Variants in TMCC3 observed in about 807,000 individuals in gnomAD.
The protein encoded by TMCC3 is transmembrane and coiled-coil domain protein 3.
In TMCC3, 28 loss-of-function variants were observed where a neutral mutation model predicts 40.2. That is an observed-to-expected ratio of 0.70 (90% confidence interval 0.52 to 0.95). The LOEUF (loss-of-function observed/expected upper bound fraction) is 0.95, where lower values mean the gene tolerates loss of function less well. Among genes scored for constraint, TMCC3 ranks in the 40% least tolerant of loss-of-function variants. The pLI is 0.00. For synonymous variants in TMCC3, 255 were observed against 248.5 expected, an observed-to-expected ratio of 1.03 and a Z score of -0.25; for missense variants, 554 against 615.2, an observed-to-expected ratio of 0.90 and a Z score of 1.05.
intron 3 of TMCC3, 117 bp downstream of exon 3, chr12:94,578,277 C>A: frequency 8.2e-7 from 1 of 1,224,124 alleles, no homozygotes; most frequent in Non-Finnish European, 1.1e-6. Context: ...GCAGAGAAAA[C>A]ATTTTGTGCC....
intron 1 of TMCC3, among the ~76,000 whole-genome samples, chr12:94,604,936 G>A (rs1218409912): frequency 6.6e-6 from 1 of 152,106 alleles, no homozygotes; most frequent in Non-Finnish European, 1.5e-5. Flanking sequence ...TCTGCTGAGA[G>A]CCTAGCAAGG....
At chr12:94,623,321 G>GGTCATCAGTCCAAAAGTGC in intron 1 of TMCC3, among the ~76,000 whole-genome samples, 1 of 152,250 alleles carries the variant, frequency 6.6e-6, no homozygotes, top group Admixed American at 6.5e-5. Context: ...CATGAGCTGG[G>GGTCATCAGTCCAAAAGTGC]CACTTTTACG....
intron 1 of TMCC3, chr12:94,616,154 T>C (rs771610339): frequency 2.1e-5 from 20 of 932,660 alleles, no homozygotes; most frequent in Non-Finnish European, 2.4e-5. Flanking sequence ...TCAGTAATAA[T>C]GCACCGTATT....
intron 1 of TMCC3, among the ~76,000 whole-genome samples, chr12:94,593,562 C>A (rs999580033): frequency 2.0e-5 from 3 of 151,564 alleles, no homozygotes; most frequent in Admixed American, 6.6e-5. Flanking sequence ...ATACATATAT[C>A]TTTCATGGCC....
intron 2 of TMCC3, among the ~76,000 whole-genome samples, chr12:94,580,692 A>G (rs1437420381): frequency 2.0e-5 from 3 of 152,182 alleles, no homozygotes; most frequent in Non-Finnish European, 4.4e-5. Flanking sequence ...CCAAGATCGC[A>G]CCACTGCACT....
rs1396429522 is a variant in TMCC3 at position 94,567,244 on chromosome 12, G to A, written c.*4191C>T. The A allele has an allele frequency of 6.6e-6, 1 of 152,156 alleles. No individual in the cohort carries two copies. The highest frequency in any genetic ancestry group is 1.5e-5 in the Non-Finnish European group (1 of 68,030). 9.4% of individuals were successfully genotyped at this position (152,156 alleles called of 1,614,324 possible). On this transcript the variant is annotated 3_prime_UTR_variant, in exon 4 of 4. Coordinates refer to ENST00000261226, the MANE Select transcript of TMCC3 (RefSeq NM_020698.4). The stretch of plus-strand genomic sequence containing the variant: ...CACCACAATGGGGTGAAGATCTACA[G>A]GGAATTTACAATTTTAGGCTGACAT...
chr12:94,591,687 G>A (rs1269900711), intron 1 of TMCC3, among the ~76,000 whole-genome samples: 1 of 152,164 alleles, frequency 6.6e-6, no homozygotes, highest in Admixed American at 6.5e-5. Flanking sequence ...CTGGGAGGTG[G>A]AGGTTGCAGT....
chr12:94,631,524 C>T (rs1265100574), intron 1 of TMCC3, among the ~76,000 whole-genome samples: 1 of 151,922 alleles, frequency 6.6e-6, no homozygotes, highest in Non-Finnish European at 1.5e-5. Flanking sequence ...AGGAGGGAGG[C>T]CTGGAACAGC....
intron 1 of TMCC3, among the ~76,000 whole-genome samples, chr12:94,628,953 G>GA: frequency 6.6e-6 from 1 of 152,088 alleles, no homozygotes; most frequent in Non-Finnish European, 1.5e-5. Flanking sequence ...TCTGTAGTTA[G>GA]AAAAAAGGTG....
At chr12:94,609,397 T>TC (rs146603251) in intron 1 of TMCC3, among the ~76,000 whole-genome samples, 3,346 of 152,214 alleles carry the variant, frequency 0.022, 47 homozygotes, top group Middle Eastern at 0.041. Flanking sequence ...ACCCAGAGGT[T>TC]CCTTCAGAGT....
intron 1 of TMCC3, chr12:94,590,840 C>G: frequency 1.9e-6 from 1 of 527,422 alleles, no homozygotes; most frequent in Non-Finnish European, 3.7e-6. Context: ...GATGTGCACC[C>G]GCAACAAACT....
At chr12:94,647,869 AC>A (rs1407190370) in intron 1 of TMCC3, among the ~76,000 whole-genome samples, 1 of 152,128 alleles carries the variant, frequency 6.6e-6, no homozygotes, top group Non-Finnish European at 1.5e-5. Flanking sequence ...AATTACATCA[AC>A]CCTGCTTGAG....
intron 1 of TMCC3, among the ~76,000 whole-genome samples, chr12:94,607,343 C>T (rs565231604): frequency 1.3e-5 from 2 of 152,154 alleles, no homozygotes; most frequent in East Asian, 3.9e-4. Context: ...ACATTCTCAG[C>T]TTATGAAGAT....
At chr12:94,572,341 C>T (rs1284024014) in intron 3 of TMCC3, among the ~76,000 whole-genome samples, 6 of 59,912 alleles carry the variant, frequency 1.0e-4, no homozygotes, top group African/African-American at 2.6e-4. Flanking sequence ...GACAGAGTTT[C>T]ACTCTGTCAC....
chr12:94,600,131 T>C (rs1356786233), intron 1 of TMCC3, among the ~76,000 whole-genome samples: 4 of 152,114 alleles, frequency 2.6e-5, no homozygotes, highest in Non-Finnish European at 5.9e-5. Context: ...TGTTGGGGGT[T>C]TGGGGACTGG....
chr12:94,607,689 A>G (rs1247797334), intron 1 of TMCC3, among the ~76,000 whole-genome samples: 1 of 152,178 alleles, frequency 6.6e-6, no homozygotes, highest in Non-Finnish European at 1.5e-5. Flanking sequence ...TACAGGCATG[A>G]GCCACCGTGC....
intron 1 of TMCC3, among the ~76,000 whole-genome samples, chr12:94,635,192 G>C (rs925477869): frequency 6.6e-6 from 1 of 152,202 alleles, no homozygotes; most frequent in African/African-American, 2.4e-5. Flanking sequence ...CCTAACATAA[G>C]TGACAAACCA....
intron 1 of TMCC3, among the ~76,000 whole-genome samples, chr12:94,622,520 T>A (rs1872099): frequency 0.17 from 25,428 of 152,144 alleles, 2,574 homozygotes; most frequent in Non-Finnish European, 0.23. Flanking sequence ...ATTTCTTTTT[T>A]AAAATAAGCA....
intron 1 of TMCC3, among the ~76,000 whole-genome samples, chr12:94,625,701 C>T (rs1273889336): frequency 6.6e-6 from 1 of 152,010 alleles, no homozygotes; most frequent in Non-Finnish European, 1.5e-5. Flanking sequence ...AAAAGTTACG[C>T]AAGGGTTGAG....
Sources: allele counts gnomAD v4.1 joint callset (sites outside exome capture counted in the v4.1 genomes callset), GRCh38; gene constraint gnomAD v4.1.1; transcripts MANE v1.5; gene names NCBI Gene and HGNC (gene_info 2026-07-23, HGNC 2026-07-21).